Variants in BST1 observed in about 807,000 individuals in gnomAD.
BST1 encodes the protein ADP-ribosyl cyclase/cyclic ADP-ribose hydrolase 2.
In BST1, 49 loss-of-function variants were observed where a neutral mutation model predicts 40.6. The observed-to-expected ratio is 1.21, with a 90% CI of 0.96 to 1.53. The LOEUF (loss-of-function observed/expected upper bound fraction) is 1.53. BST1 is among the 40% of genes most tolerant of loss of function. BST1 has a pLI of 0.00. For missense variants in BST1, 423 were observed against 395.9 expected (o/e 1.07, Z -0.58); for synonymous variants, 157 against 159.3 (o/e 0.99, Z 0.11).
chr4:15,717,291 A>G (rs1397277020), intron 6 of BST1, among the ~76,000 whole-genome samples: 4 of 152,226 alleles, frequency 2.6e-5, no homozygotes, highest in Non-Finnish European at 5.9e-5. Flanking sequence ...TTCTGTAAAA[A>G]TTTCCAATTG....
chr4:15,705,662 G>C (rs746882559), intron 2 of BST1, 21 bp downstream of exon 2: 2 of 1,612,926 alleles, frequency 1.2e-6, no homozygotes, highest in Non-Finnish European at 8.5e-7. Flanking sequence ...AACCATCTTG[G>C]GTAAAACTGT....
At chr4:15,720,013 A>T (rs576456270) in intron 7 of BST1, among the ~76,000 whole-genome samples, 10 of 152,210 alleles carry the variant, frequency 6.6e-5, no homozygotes, top group Non-Finnish European at 1.5e-4. Flanking sequence ...AAAAATATAC[A>T]AACCATGAGT....
intron 8 of BST1, among the ~76,000 whole-genome samples, chr4:15,724,131 A>G (rs539951918): frequency 7.9e-5 from 12 of 152,260 alleles, no homozygotes; most frequent in Admixed American, 7.8e-4. Flanking sequence ...TTTGTACACA[A>G]CCTGATGACA....
At chr4:15,722,695 AG>A (rs1720875532) in intron 7 of BST1, among the ~76,000 whole-genome samples, 179 bp from the exon 8 acceptor site, 1 of 151,512 alleles carries the variant, frequency 6.6e-6, no homozygotes, top group Non-Finnish European at 1.5e-5. Context: ...AACCTCCCAA[AG>A]TGCTGGGATT....
the BST1 span, among the ~76,000 whole-genome samples, chr4:15,747,768 C>T: frequency 6.6e-6 from 1 of 152,178 alleles, no homozygotes. Flanking sequence ...TTCTTAGGCT[C>T]ATGTGATCTT....
chr4:15,740,263 G>C (rs1721712168), downstream of BST1, among the ~76,000 whole-genome samples: 1 of 152,162 alleles, frequency 6.6e-6, no homozygotes, highest in South Asian at 2.1e-4. Flanking sequence ...TTGCCATGTT[G>C]ACCAGGCTGG....
intron 8 of BST1, among the ~76,000 whole-genome samples, chr4:15,726,362 A>G (rs1259736846): frequency 6.6e-6 from 1 of 152,100 alleles, no homozygotes; most frequent in Non-Finnish European, 1.5e-5. Context: ...GAACGAATGA[A>G]TGGTTGGATT....
the BST1 span, among the ~76,000 whole-genome samples, chr4:15,770,030 T>C: frequency 6.6e-6 from 1 of 152,118 alleles, no homozygotes; most frequent in African/African-American, 2.4e-5. Flanking sequence ...AGTAGAGACG[T>C]GGTTTCACCA....
chr4:15,762,959 A>G, the BST1 span, among the ~76,000 whole-genome samples: 1 of 152,060 alleles, frequency 6.6e-6, no homozygotes, highest in African/African-American at 2.4e-5. Context: ...ATTGGTGAAT[A>G]TGATGGATAC....
chr4:15,764,897 T>TGTGTGTG, the BST1 span, among the ~76,000 whole-genome samples: 1 of 132,854 alleles, frequency 7.5e-6, no homozygotes. Context: ...TGTGTGTGTG[T>TGTGTGTG]TTTGCAAAGT....
At chr4:15,710,427 C>A (rs1720127771) in intron 3 of BST1, among the ~76,000 whole-genome samples, 1 of 152,116 alleles carries the variant, frequency 6.6e-6, no homozygotes, top group Admixed American at 6.6e-5. Flanking sequence ...TTTACTATTT[C>A]TTTGTGGTGA....
the BST1 span, among the ~76,000 whole-genome samples, chr4:15,764,370 G>T: frequency 6.6e-6 from 1 of 151,950 alleles, no homozygotes; most frequent in Non-Finnish European, 1.5e-5. Flanking sequence ...TTGCACAGTT[G>T]CTTCTTAAAT....
chr4:15,757,375 C>T, the BST1 span, among the ~76,000 whole-genome samples: 1 of 152,122 alleles, frequency 6.6e-6, no homozygotes, highest in African/African-American at 2.4e-5. Flanking sequence ...TTTGGTTCTC[C>T]CTGCACGAAC....
At chr4:15,726,487 C>T (rs964988160) in intron 8 of BST1, among the ~76,000 whole-genome samples, 2 of 152,196 alleles carry the variant, frequency 1.3e-5, no homozygotes, top group Non-Finnish European at 2.9e-5. Flanking sequence ...GCTGCATATG[C>T]ATAAGGTCTA....
intron 3 of BST1, 112 bp from the exon 4 acceptor site, chr4:15,711,695 G>C (rs1720214279): frequency 1.2e-6 from 1 of 868,002 alleles, no homozygotes; most frequent in Non-Finnish European, 1.9e-6. Flanking sequence ...TGTACACATT[G>C]TACAGAATGG....
downstream of BST1, among the ~76,000 whole-genome samples, chr4:15,739,395 C>A (rs1159853013): frequency 6.6e-6 from 1 of 152,144 alleles, no homozygotes; most frequent in Non-Finnish European, 1.5e-5. Flanking sequence ...ATGTAGAATG[C>A]AGCAGGTTCT....
At chr4:15,734,687 T>G (rs1721495736), downstream of BST1, among the ~76,000 whole-genome samples, 1 of 151,758 alleles carries the variant, frequency 6.6e-6, no homozygotes, top group African/African-American at 2.4e-5. Flanking sequence ...TTTCGGTTCC[T>G]TGATACTAAC....
Position 15,704,609 on chromosome 4 carries a change from G to A in BST1, c.189-906G>A, listed in dbSNP as rs556808812. Among the ~76,000 whole-genome samples the A allele has an allele frequency of 2.3e-4, 35 of 152,116 alleles. No individual in the cohort carries two copies. The South Asian group carries it at 7.1e-3, about 31-fold the overall frequency. On this transcript the variant is annotated intron_variant, in intron 1 of 8. Transcript: ENST00000265016. ...GGTGAGAGGTGTGTGTGAGTGTGAA[G>A]GAGGGTGGAGAGGTATCCCTCTAGA...
At chr4:15,731,662 A>G in intron 8 of BST1, 78 bp from the exon 9 acceptor site, 1 of 1,501,570 alleles carries the variant, frequency 6.7e-7, no homozygotes, top group Non-Finnish European at 9.1e-7. Context: ...AAAAGAGACT[A>G]ATACTGCACA....
Sources: gnomAD v4.1 joint callset for allele counts (sites outside exome capture counted in the v4.1 genomes callset) on GRCh38, gnomAD v4.1.1 for gene constraint, MANE v1.5 for transcripts, NCBI Gene and HGNC (gene_info 2026-07-23, HGNC 2026-07-21) for gene names.